The following STX8 variants were observed in gnomAD, a reference collection of about 807,000 sequenced individuals.
STX8 encodes syntaxin-8.
In STX8, 23 loss-of-function variants were observed where a neutral mutation model predicts 37.5. That is an observed-to-expected ratio of 0.61 (90% CI 0.44 to 0.87). The LOEUF (loss-of-function observed/expected upper bound fraction) is 0.87. Ranked by LOEUF, STX8 falls within the 40% of genes least tolerant of loss-of-function variation. The pLI, the probability that STX8 is intolerant of heterozygous loss-of-function variation, is 0.00. For synonymous variants in STX8, 115 were observed against 99.1 expected (o/e 1.16, Z -0.95); for missense variants, 313 against 284.7 (o/e 1.10, Z -0.71).
chr17:9,465,312 A>C (rs940963248), intron 6 of STX8, among the ~76,000 whole-genome samples: 2 of 152,160 alleles, frequency 1.3e-5, no homozygotes, highest in Non-Finnish European at 2.9e-5. Context: ...CATCCTGCCC[A>C]GCTGCCCACT....
chr17:9,441,948 T>C (rs1904676315), intron 6 of STX8, among the ~76,000 whole-genome samples: 1 of 151,894 alleles, frequency 6.6e-6, no homozygotes, highest in African/African-American at 2.4e-5. Context: ...GTGCTGGGAT[T>C]ACATACCGCG....
intron 6 of STX8, among the ~76,000 whole-genome samples, chr17:9,468,448 C>T (rs139438167): frequency 2.0e-5 from 3 of 152,238 alleles, no homozygotes; most frequent in Non-Finnish European, 2.9e-5. Flanking sequence ...AAACATCTTA[C>T]GAAAATGTTA....
intron 6 of STX8, among the ~76,000 whole-genome samples, chr17:9,418,981 T>C (rs1913324438): frequency 6.9e-6 from 1 of 145,552 alleles, no homozygotes; most frequent in Non-Finnish European, 1.5e-5. Flanking sequence ...TGGAGTGCAG[T>C]GGCACCATCA....
intron 6 of STX8, among the ~76,000 whole-genome samples, chr17:9,411,296 C>A (rs1316003520): frequency 1.3e-5 from 2 of 152,208 alleles, no homozygotes; most frequent in African/African-American, 2.4e-5. Context: ...TGAATTCAGG[C>A]CTCTTCCTCC....
chr17:9,560,623 G>A lies in STX8; in HGVS notation c.118-3095C>T, dbSNP rs140305282. Among the ~76,000 whole-genome samples, 17 of 152,096 alleles carry A rather than the reference G, an allele frequency of 1.1e-4. No homozygotes were observed. The East Asian group carries it at 2.7e-3, about 24-fold the overall frequency. On this transcript the variant is annotated intron_variant, in intron 2 of 7. Transcript: ENST00000306357. ...TACTGCTGAAGAAACAAAAGGAAAC[G>A]CTCAATATTGTGAAAATGTAAGTTT...
At chr17:9,391,030 G>A (rs148833440) in intron 6 of STX8, among the ~76,000 whole-genome samples, 1 of 152,122 alleles carries the variant, frequency 6.6e-6, no homozygotes, top group African/African-American at 2.4e-5. Flanking sequence ...TCAAAGTTAA[G>A]TTTCTTGGAT....
intron 7 of STX8, among the ~76,000 whole-genome samples, chr17:9,285,210 T>G (rs1410355200): frequency 2.6e-5 from 4 of 151,962 alleles, no homozygotes; most frequent in African/African-American, 9.7e-5. Context: ...AAAAACAGAT[T>G]CCCAGGCCCC....
intron 6 of STX8, among the ~76,000 whole-genome samples, chr17:9,440,627 C>T (rs542278326): frequency 1.3e-4 from 19 of 151,546 alleles, no homozygotes; most frequent in Admixed American, 5.3e-4. Context: ...TGGGTTCAAG[C>T]GATTCTCCCA....
chr17:9,292,914 A>G (rs1202123519), intron 7 of STX8, among the ~76,000 whole-genome samples: 1 of 152,178 alleles, frequency 6.6e-6, no homozygotes, highest in Non-Finnish European at 1.5e-5. Context: ...ACAAGGCCTT[A>G]CACCCAACCA....
intron 4 of STX8, among the ~76,000 whole-genome samples, chr17:9,535,779 T>C (rs1164547329): frequency 6.6e-6 from 1 of 152,146 alleles, no homozygotes; most frequent in Non-Finnish European, 1.5e-5. Flanking sequence ...TACTTTCACA[T>C]ATGCAAAATC....
intron 4 of STX8, among the ~76,000 whole-genome samples, chr17:9,535,514 G>C (rs552022181): frequency 1.9e-3 from 244 of 131,672 alleles, no homozygotes; most frequent in Non-Finnish European, 3.0e-3. Flanking sequence ...CTCACTGCAA[G>C]CTCCACCTTC....
At chr17:9,273,104 T>G (rs1907532231) in intron 7 of STX8, 1 of 152,250 alleles carries the variant, frequency 6.6e-6, no homozygotes, top group Non-Finnish European at 1.5e-5. Flanking sequence ...CCCGAAGGGT[T>G]TAGTTATGTT....
intron 3 of STX8, among the ~76,000 whole-genome samples, chr17:9,551,282 C>A (rs901260164): frequency 4.6e-5 from 7 of 152,144 alleles, no homozygotes; most frequent in African/African-American, 1.7e-4. Flanking sequence ...AGGCCAAGTC[C>A]TTACCTTCCT....
intron 7 of STX8, 151 bp from the exon 8 acceptor site, chr17:9,250,796 C>T (rs902478905): frequency 4.8e-5 from 37 of 772,476 alleles, no homozygotes; most frequent in East Asian, 3.0e-4. Flanking sequence ...TGGCCTGGGG[C>T]GCCGCTGCTG....
chr17:9,340,344 T>C (rs529068948), intron 7 of STX8, among the ~76,000 whole-genome samples: 2 of 152,240 alleles, frequency 1.3e-5, no homozygotes, highest in African/African-American at 2.4e-5. Flanking sequence ...AATGTCGATC[T>C]GGGAAAATGC....
chr17:9,405,939 C>T (rs551735091), intron 6 of STX8, among the ~76,000 whole-genome samples: 3 of 152,166 alleles, frequency 2.0e-5, no homozygotes, highest in Non-Finnish European at 4.4e-5. Context: ...AATGACACTG[C>T]TTTTTCTCAG....
intron 7 of STX8, among the ~76,000 whole-genome samples, chr17:9,333,746 C>G (rs112424478): frequency 1.4e-3 from 207 of 151,570 alleles, no homozygotes; most frequent in African/African-American, 4.8e-3. Context: ...ATAGATATAA[C>G]ACACACATGT....
rs77372499 is a variant in STX8 at position 9,530,425 on chromosome 17, T to C, written c.323+14747A>G. Among the ~76,000 whole-genome samples the C allele has an allele frequency of 7.0e-3, 1,073 of 152,310 alleles. 19 individuals carry two copies. Among genetic ancestry groups the C allele is most frequent in the African/African-American group, 0.025 (1,031 of 41,566 alleles). On this transcript the variant is annotated intron_variant, in intron 4 of 7. Transcript: ENST00000306357. Reference sequence around the variant, plus strand: ...CAGCAAATATGGTTTTCCAAAGAGATTGTACAATTTACAGTCCCAGCAGTA... The same window carrying C: ...CAGCAAATATGGTTTTCCAAAGAGACTGTACAATTTACAGTCCCAGCAGTA...
At chr17:9,268,065 G>T (rs1055429203) in intron 7 of STX8, among the ~76,000 whole-genome samples, 2 of 151,748 alleles carry the variant, frequency 1.3e-5, no homozygotes, top group African/African-American at 4.8e-5. Flanking sequence ...TGTTCTCACG[G>T]AAGGGATATG....
Sources: allele counts gnomAD v4.1 joint callset (sites outside exome capture counted in the v4.1 genomes callset), GRCh38; gene constraint gnomAD v4.1.1; transcripts MANE v1.5; gene names NCBI Gene and HGNC (gene_info 2026-07-23, HGNC 2026-07-21).